The following PSEN1 variants were observed in gnomAD, a reference collection of about 807,000 sequenced individuals.
PSEN1 encodes presenilin 1, also known as presenilin-1.
Under a neutral mutation model 53.5 loss-of-function variants are expected in PSEN1, and 15 were observed. The observed-to-expected ratio is 0.28, with a 90% CI of 0.19 to 0.43. PSEN1 has a LOEUF of 0.43. Among genes scored for constraint, PSEN1 ranks in the 20% least tolerant of loss-of-function variants. PSEN1 has a pLI of 1.00. For missense variants in PSEN1, 387 were observed against 571.2 expected, an observed-to-expected ratio of 0.68 and a Z score of 3.29; for synonymous variants, 208 against 209.8, an observed-to-expected ratio of 0.99 and a Z score of 0.08.
At chr14:73,215,476 G>T (rs117236337) in intron 10 of PSEN1, among the ~76,000 whole-genome samples, 3 of 151,548 alleles carry the variant, frequency 2.0e-5, no homozygotes, top group Admixed American at 1.3e-4. Flanking sequence ...CCAGCTATTC[G>T]AGAGGCTGCG....
At chr14:73,142,116 C>T (rs1297496187) in intron 1 of PSEN1, among the ~76,000 whole-genome samples, 1 of 151,278 alleles carries the variant, frequency 6.6e-6, no homozygotes, top group Non-Finnish European at 1.5e-5. Flanking sequence ...ATAATAATTT[C>T]AATTATAGGT....
At chr14:73,200,947 A>C (rs1032771178) in intron 8 of PSEN1, among the ~76,000 whole-genome samples, 2 of 152,054 alleles carry the variant, frequency 1.3e-5, no homozygotes, top group Non-Finnish European at 2.9e-5. Context: ...GTTACTTGGG[A>C]GGCTGAGGTG....
intron 3 of PSEN1, chr14:73,167,702 G>T (rs1897757313): frequency 6.7e-6 from 1 of 150,242 alleles, no homozygotes; most frequent in South Asian, 2.1e-4. Context: ...GACATGATAG[G>T]TATGCTCAAG....
intron 3 of PSEN1, among the ~76,000 whole-genome samples, chr14:73,160,530 G>A (rs943016635): frequency 2.0e-5 from 3 of 152,080 alleles, no homozygotes; most frequent in African/African-American, 7.2e-5. Context: ...ATGCATAGTG[G>A]TTCCAATTTC....
intron 5 of PSEN1, among the ~76,000 whole-genome samples, chr14:73,185,374 C>G (rs1898462333): frequency 6.6e-6 from 1 of 152,238 alleles, no homozygotes; most frequent in African/African-American, 2.4e-5. Flanking sequence ...GAGGCCGAGG[C>G]TGGTGGATCA....
intron 5 of PSEN1, among the ~76,000 whole-genome samples, chr14:73,175,375 C>G (rs1390314278): frequency 1.3e-5 from 2 of 152,074 alleles, no homozygotes. Context: ...GATCCACCCA[C>G]CTCGGCCTCG....
intron 7 of PSEN1, 86 bp downstream of exon 7, chr14:73,192,950 GAAA>G: frequency 1.9e-6 from 2 of 1,061,224 alleles, no homozygotes; most frequent in Non-Finnish European, 2.9e-6. Context: ...TTGATTTAGA[GAAA>G]ATGGTAACGT....
At chr14:73,198,205 C>T (rs1595043481) in intron 8 of PSEN1, 76 bp downstream of exon 8, 2 of 850,120 alleles carry the variant, frequency 2.4e-6, no homozygotes, top group South Asian at 1.4e-5. Flanking sequence ...TAACTATGGT[C>T]ATTTTCATGG....
chr14:73,153,973 CAA>C (rs1372788027), intron 3 of PSEN1, among the ~76,000 whole-genome samples: 2 of 151,990 alleles, frequency 1.3e-5, no homozygotes, highest in African/African-American at 4.8e-5. Flanking sequence ...CTAGGCCTCT[CAA>C]AGTGTTGGGA....
intron 5 of PSEN1, among the ~76,000 whole-genome samples, chr14:73,181,588 A>G (rs1898215688): frequency 6.6e-6 from 1 of 152,162 alleles, no homozygotes; most frequent in Admixed American, 6.5e-5. Context: ...GTGAGACCCC[A>G]GTCTCTTAAA....
chr14:73,185,105 G>T (rs1171834146), intron 5 of PSEN1, among the ~76,000 whole-genome samples: 1 of 150,010 alleles, frequency 6.7e-6, no homozygotes, highest in Admixed American at 6.6e-5. Context: ...GGGCGGAGAC[G>T]CTCCTCACTT....
At chr14:73,165,574 C>T (rs1196533177) in intron 3 of PSEN1, among the ~76,000 whole-genome samples, 1 of 143,826 alleles carries the variant, frequency 7.0e-6, no homozygotes, top group Non-Finnish European at 1.5e-5. Context: ...GGATAAGACT[C>T]CATCTCTACT....
chr14:73,145,396 G>T (rs991280596), intron 1 of PSEN1, among the ~76,000 whole-genome samples: 4 of 151,998 alleles, frequency 2.6e-5, no homozygotes. Flanking sequence ...GTGTAGTGAT[G>T]CAGTCACTGC....
chr14:73,188,097 T>C (rs1056030488), intron 6 of PSEN1, among the ~76,000 whole-genome samples: 2 of 152,008 alleles, frequency 1.3e-5, no homozygotes, highest in Non-Finnish European at 1.5e-5. Context: ...CCCAGCTAAT[T>C]TTTGCATTTT....
chr14:73,185,363 G>A (rs1566637602), intron 5 of PSEN1, among the ~76,000 whole-genome samples: 1 of 152,242 alleles, frequency 6.6e-6, no homozygotes. Context: ...CGGCACCTCG[G>A]GAGGCCGAGG....
At chr14:73,144,035 C>CTTTTT (rs766901431) in intron 1 of PSEN1, among the ~76,000 whole-genome samples, 3 of 59,484 alleles carry the variant, frequency 5.0e-5, no homozygotes, top group Non-Finnish European at 8.8e-5. Context: ...TATAGCTTAT[C>CTTTTT]TTTTTTTTTT....
Position 73,211,505 on chromosome 14 carries a change from G to A in PSEN1, c.956-264G>A, listed in dbSNP as rs362377. On this transcript the variant is annotated intron_variant, in intron 9 of 11. Transcript: ENST00000324501. ...TAGGAAGAGGCTTGGTGGGATTACC[G>A]TGCTTGGCTTGGCTTGGTCAGGATT... is the stretch of plus-strand genomic sequence containing the variant. Among the ~76,000 whole-genome samples, 14,373 of 152,178 alleles carry A rather than the reference G, an allele frequency of 0.094. 771 individuals are homozygous for A. The highest frequency in any genetic ancestry group is 0.15 in the African/African-American group (6,057 of 41,492).
chr14:73,211,994 A>G (rs758419639), intron 10 of PSEN1, 52 bp downstream of exon 10: 1 of 1,508,346 alleles, frequency 6.6e-7, no homozygotes, highest in African/African-American at 1.4e-5. Context: ...AGGTAGCTAC[A>G]TTATCAACCT....
chr14:73,218,462 G>T (rs1900011875), intron 11 of PSEN1, among the ~76,000 whole-genome samples: 1 of 152,022 alleles, frequency 6.6e-6, no homozygotes, highest in Middle Eastern at 3.2e-3. Flanking sequence ...ATCTTGGCCG[G>T]GTGAAGACTT....
Sources: gnomAD v4.1 joint callset for allele counts (sites outside exome capture counted in the v4.1 genomes callset) on GRCh38, gnomAD v4.1.1 for gene constraint, MANE v1.5 for transcripts, NCBI Gene and HGNC (gene_info 2026-07-23, HGNC 2026-07-21) for gene names.